APCDD1L: variants seen among roughly 807,000 people sequenced by gnomAD.
APCDD1L encodes the protein protein APCDD1-like.
In APCDD1L, 21 loss-of-function variants were observed where a neutral mutation model predicts 24.2. The observed-to-expected ratio is 0.87, with a 90% CI of 0.61 to 1.25. The LOEUF is 1.25. Ranked by LOEUF, APCDD1L falls within the 50% of genes most tolerant of loss-of-function variation. The probability of loss-of-function intolerance (pLI) is 0.00; values close to 1 mark genes in which losing one functional copy is unlikely to be tolerated. For synonymous variants in APCDD1L, 321 were observed against 323.6 expected (o/e 0.99, Z 0.09); for missense variants, 704 against 711.7 (o/e 0.99, Z 0.12).
At chr20:58,471,055 G>A (rs767431864) in intron 1 of APCDD1L, among the ~76,000 whole-genome samples, 27 of 152,300 alleles carry the variant, frequency 1.8e-4, no homozygotes, top group Non-Finnish European at 3.1e-4. Context: ...AATTGTACAC[G>A]TGGAGCAGAC....
At chr20:58,510,975 A>G (rs1391905493) in intron 1 of APCDD1L, among the ~76,000 whole-genome samples, 4 of 152,214 alleles carry the variant, frequency 2.6e-5, no homozygotes, top group Non-Finnish European at 4.4e-5. Context: ...TTTCTTCCCC[A>G]GGTCTGGAGA....
chr20:58,483,772 AC>A (rs1224204525), intron 1 of APCDD1L, among the ~76,000 whole-genome samples: 1 of 152,164 alleles, frequency 6.6e-6, no homozygotes, highest in Admixed American at 6.5e-5. Flanking sequence ...GCCTGTGGGT[AC>A]CAATTCAATT....
chr20:58,472,899 TGAGCTGACG>T (rs1989838398), intron 1 of APCDD1L, among the ~76,000 whole-genome samples: 1 of 152,202 alleles, frequency 6.6e-6, no homozygotes, highest in African/African-American at 2.4e-5. Flanking sequence ...CCAGGAGTCC[TGAGCTGACG>T]GGTGCACGTC....
chr20:58,488,235 C>T (rs1252441211), intron 1 of APCDD1L, among the ~76,000 whole-genome samples: 1 of 152,166 alleles, frequency 6.6e-6, no homozygotes, highest in Non-Finnish European at 1.5e-5. Flanking sequence ...TTATACACTA[C>T]CTGCCCTATA....
intron 1 of APCDD1L, among the ~76,000 whole-genome samples, chr20:58,512,103 A>G (rs1001691229): frequency 1.3e-5 from 2 of 152,250 alleles, no homozygotes; most frequent in Admixed American, 6.5e-5. Context: ...GTGACTACCC[A>G]TACCGCAGCC....
intron 3 of APCDD1L, among the ~76,000 whole-genome samples, chr20:58,464,296 G>A (rs983359335): frequency 6.6e-6 from 1 of 152,228 alleles, no homozygotes; most frequent in African/African-American, 2.4e-5. Flanking sequence ...AGGGCTGCTA[G>A]TTGGTAATCT....
At chr20:58,505,676 T>G (rs961129813) in intron 1 of APCDD1L, among the ~76,000 whole-genome samples, 3 of 151,484 alleles carry the variant, frequency 2.0e-5, no homozygotes, top group South Asian at 2.1e-4. Flanking sequence ...CTAGGCATTT[T>G]GGACAGAATT....
chr20:58,490,632 AAC>A (rs1396951333), intron 1 of APCDD1L, among the ~76,000 whole-genome samples: 1 of 152,218 alleles, frequency 6.6e-6, no homozygotes, highest in Non-Finnish European at 1.5e-5. Context: ...CCAGTGAAAG[AAC>A]CAGTGAAAGA....
At chr20:58,485,143 TAC>T (rs3069429) in intron 1 of APCDD1L, among the ~76,000 whole-genome samples, 183 of 149,434 alleles carry the variant, frequency 1.2e-3, no homozygotes, top group Middle Eastern at 0.01. Context: ...TAGGTTGTGG[TAC>T]ACACACACAC....
chr20:58,467,133 G>C lies in APCDD1L; in HGVS notation c.714C>G (p.Gly238=), dbSNP rs771049228. 1.2e-5 allele frequency: 20 copies of C among 1,607,650 alleles called. No individual in the cohort carries two copies. Among genetic ancestry groups the C allele is most frequent in the Admixed American group, 3.3e-5 (2 of 59,956 alleles). ...PAERRHYRPT[G]YQRPLQSALH... is the part of the protein sequence containing the mutation. Reference sequence around the variant, plus strand: ...GTGCGCTCTGCAGCGGGCGCTGGTAGCCCGTGGGCCGGTAGTGCCGCCTCT... The same window carrying C: ...GTGCGCTCTGCAGCGGGCGCTGGTACCCCGTGGGCCGGTAGTGCCGCCTCT... Residue 238 remains glycine (G), a synonymous_variant, in exon 3 of 4, where the codon GGC becomes GGG. Coordinates refer to ENST00000371149, the MANE Select transcript of APCDD1L (RefSeq NM_153360.3). This position sits in a 1 kb window ranked among gnomAD's most constrained non-coding sequence, Gnocchi z 5.9.
chr20:58,504,058 T>G (rs150512441), intron 1 of APCDD1L, among the ~76,000 whole-genome samples: 304 of 152,310 alleles, frequency 2.0e-3, no homozygotes, highest in Non-Finnish European at 3.4e-3. Flanking sequence ...GTCAATGAAA[T>G]TCTGCTATAG....
chr20:58,493,622 A>T (rs1314672628), intron 1 of APCDD1L, among the ~76,000 whole-genome samples: 1 of 152,216 alleles, frequency 6.6e-6, no homozygotes, highest in Non-Finnish European at 1.5e-5. Flanking sequence ...ACAGGGAGCT[A>T]TGACTTTCAT....
chr20:58,470,273 G>T (rs1006809088), intron 2 of APCDD1L, among the ~76,000 whole-genome samples: 4 of 152,218 alleles, frequency 2.6e-5, no homozygotes, highest in African/African-American at 9.6e-5. Context: ...CTTCATTGAA[G>T]AACTTAGTGC....
chr20:58,467,512 A>G lies in APCDD1L; in HGVS notation c.335T>C (p.Leu112Pro). Residue 112 changes from leucine (L) to proline (P), a missense_variant, in exon 3 of 4, where the codon CTG becomes CCG. Leu to Pro is a moderately conservative substitution (Grantham distance 98, BLOSUM62 -3). Transcript: ENST00000371149. The surrounding 1 kb of genome is among the most constrained non-coding windows in gnomAD (Gnocchi z 5.9). ...CCGGGTGACCCAGGAGGCCCGGCGC[A>G]GGCGGACTTTGCCCTTGACGAGCAG... Reference protein sequence around the residue: ...HSLLVKGKVRLRRASWVTRGA... With the variant: ...HSLLVKGKVRPRRASWVTRGA... 2.5e-6 allele frequency: 4 copies of G among 1,599,328 alleles called. 1 individual carries two copies. Among genetic ancestry groups the G allele is most frequent in the Non-Finnish European group, 2.6e-6 (3 of 1,172,956 alleles).
intron 1 of APCDD1L, among the ~76,000 whole-genome samples, chr20:58,482,954 G>A (rs1026480077): frequency 4.6e-5 from 7 of 152,290 alleles, no homozygotes; most frequent in African/African-American, 1.7e-4. Flanking sequence ...GAGCAGAGAG[G>A]CATCTACAAG....
chr20:58,510,781 A>T (rs6026320), intron 1 of APCDD1L, among the ~76,000 whole-genome samples: 1 of 151,976 alleles, frequency 6.6e-6, no homozygotes, highest in Admixed American at 6.6e-5. Flanking sequence ...TGGAGCCTGG[A>T]CCTGCATGGT....
At chr20:58,504,143 G>A (rs1214482363) in intron 1 of APCDD1L, among the ~76,000 whole-genome samples, 11 of 152,216 alleles carry the variant, frequency 7.2e-5, no homozygotes, top group Admixed American at 5.9e-4. Flanking sequence ...TAGCAGAGAA[G>A]GACTTGAGAT....
At chr20:58,476,079 G>A (rs1049047525) in intron 1 of APCDD1L, among the ~76,000 whole-genome samples, 5 of 152,106 alleles carry the variant, frequency 3.3e-5, no homozygotes, top group Non-Finnish European at 7.4e-5. Flanking sequence ...TTTTTGGGGG[G>A]TTACATTCAA....
rs1012186337 is a variant in APCDD1L at position 58,467,989 on chromosome 20, C to G, written c.189-331G>C. On this transcript the variant is annotated intron_variant, in intron 2 of 3. Coordinates refer to ENST00000371149, the MANE Select transcript of APCDD1L (RefSeq NM_153360.3). The surrounding 1 kb of genome is among the most constrained non-coding windows in gnomAD (Gnocchi z 5.9). ...GGGATGCCCTGCCTGCTTCCTCCCC[C>G]GCTGGACTCTGGGCACCTGGCCCAG... Among the ~76,000 whole-genome samples, 12 of 152,158 alleles carry G rather than the reference C, an allele frequency of 7.9e-5. No individual in the cohort carries two copies. Among genetic ancestry groups the G allele is most frequent in the African/African-American group, 2.9e-4 (12 of 41,436 alleles).
Sources: allele counts gnomAD v4.1 joint callset (sites outside exome capture counted in the v4.1 genomes callset), GRCh38; gene constraint gnomAD v4.1.1; non-coding constraint Gnocchi (gnomAD v3.1); transcripts MANE v1.5; gene names NCBI Gene and HGNC (gene_info 2026-07-23, HGNC 2026-07-21).